Variants in NEDD4 observed in about 807,000 individuals in gnomAD.
The protein encoded by NEDD4 is NEDD4 E3 ubiquitin protein ligase.
In NEDD4, 99 loss-of-function variants were observed where a neutral mutation model predicts 144.9. The ratio of observed to expected loss-of-function variants is 0.68; its 90% CI spans 0.58 to 0.81. The LOEUF (loss-of-function observed/expected upper bound fraction) is 0.81, where lower values mean the gene tolerates loss of function less well. NEDD4 is among the 30% of genes least tolerant of loss of function. NEDD4 has a pLI of 0.00. For synonymous variants in NEDD4, 318 were observed against 350.6 expected, an observed-to-expected ratio of 0.91 and a Z score of 1.04; for missense variants, 985 against 1,065.9, an observed-to-expected ratio of 0.92 and a Z score of 1.06.
At chr15:55,916,720 G>C in intron 5 of NEDD4, 2 of 1,614,032 alleles carry the variant, frequency 1.2e-6, no homozygotes, top group Middle Eastern at 1.6e-4. Flanking sequence ...ATCCGTGTTG[G>C]TCTTTTGAAG....
At chr15:55,856,839 T>G (rs1375403133) in intron 11 of NEDD4, among the ~76,000 whole-genome samples, 2 of 152,226 alleles carry the variant, frequency 1.3e-5, no homozygotes, top group Admixed American at 6.5e-5. Flanking sequence ...ATTATCACTA[T>G]CTGAAATATC....
intron 1 of NEDD4, among the ~76,000 whole-genome samples, chr15:55,979,648 C>T (rs372245807): frequency 3.3e-5 from 5 of 152,026 alleles, no homozygotes; most frequent in East Asian, 1.9e-4. Flanking sequence ...CCACCGCGCC[C>T]GGCGAAAGTT....
chr15:55,974,717 T>G (rs2037669424), intron 1 of NEDD4, among the ~76,000 whole-genome samples: 1 of 147,434 alleles, frequency 6.8e-6, no homozygotes. Context: ...TTTCAACATC[T>G]CTTCATGATA....
At chr15:55,973,963 A>G (rs1337577731) in intron 1 of NEDD4, among the ~76,000 whole-genome samples, 1 of 152,072 alleles carries the variant, frequency 6.6e-6, no homozygotes, top group Non-Finnish European at 1.5e-5. Context: ...GAAACAGAAT[A>G]TAATACAAAG....
intron 4 of NEDD4, among the ~76,000 whole-genome samples, chr15:55,949,931 C>A (rs1390332094): frequency 2.0e-5 from 3 of 151,322 alleles, no homozygotes; most frequent in African/African-American, 4.9e-5. Flanking sequence ...GCACAGGTAC[C>A]CTAGAACTTA....
intron 4 of NEDD4, among the ~76,000 whole-genome samples, chr15:55,926,405 G>A (rs1297637395): frequency 2.6e-5 from 4 of 152,124 alleles, no homozygotes; most frequent in Non-Finnish European, 4.4e-5. Flanking sequence ...TCCTGCAGCC[G>A]TATTGTGACC....
At chr15:55,895,771 C>T (rs1482899100) in intron 5 of NEDD4, among the ~76,000 whole-genome samples, 1 of 152,134 alleles carries the variant, frequency 6.6e-6, no homozygotes, top group Admixed American at 6.5e-5. Context: ...GAGGAGTGAG[C>T]AATGATTGTT....
At chr15:55,842,915 C>A (rs1159405054) in intron 18 of NEDD4, among the ~76,000 whole-genome samples, 1 of 152,164 alleles carries the variant, frequency 6.6e-6, no homozygotes, top group African/African-American at 2.4e-5. Flanking sequence ...TATATTCTGG[C>A]TGTGTCCCTA....
At chr15:55,915,116 A>T (rs897706365) in intron 5 of NEDD4, among the ~76,000 whole-genome samples, 1 of 152,154 alleles carries the variant, frequency 6.6e-6, no homozygotes, top group Non-Finnish European at 1.5e-5. Flanking sequence ...AAAAAACTAT[A>T]CATAGAGTTC....
At chr15:55,863,201 G>T in intron 8 of NEDD4, 122 bp from the exon 9 acceptor site, 2 of 781,780 alleles carry the variant, frequency 2.6e-6, no homozygotes, top group Non-Finnish European at 3.6e-6. Context: ...TGCATAGACA[G>T]AATAAACAAT....
At chr15:55,968,089 T>C (rs2037547156) in intron 1 of NEDD4, among the ~76,000 whole-genome samples, 1 of 152,208 alleles carries the variant, frequency 6.6e-6, no homozygotes, top group Admixed American at 6.6e-5. Flanking sequence ...ATATTTAATA[T>C]TATTATCTTT....
intron 4 of NEDD4, among the ~76,000 whole-genome samples, chr15:55,935,940 G>C (rs1180265420): frequency 6.6e-6 from 1 of 150,470 alleles, no homozygotes; most frequent in Non-Finnish European, 1.5e-5. Flanking sequence ...AAGTATCTGT[G>C]ACCACAGAGA....
intron 5 of NEDD4, among the ~76,000 whole-genome samples, chr15:55,922,144 G>A (rs1165717921): frequency 6.6e-6 from 1 of 152,124 alleles, no homozygotes; most frequent in African/African-American, 2.4e-5. Context: ...TTATCAATTT[G>A]TAAGAGCAAA....
intron 7 of NEDD4, among the ~76,000 whole-genome samples, chr15:55,870,888 A>G (rs2034768952): frequency 6.6e-6 from 1 of 152,136 alleles, no homozygotes; most frequent in Non-Finnish European, 1.5e-5. Flanking sequence ...TTTACTTAAG[A>G]AATCCTTACT....
intron 1 of NEDD4, among the ~76,000 whole-genome samples, chr15:55,970,520 A>G (rs2037589755): frequency 6.6e-6 from 1 of 152,202 alleles, no homozygotes; most frequent in African/African-American, 2.4e-5. Context: ...TGGTGGCCAC[A>G]GGATTGTGTC....
chr15:55,918,478 A>G (rs1317254521), intron 5 of NEDD4, among the ~76,000 whole-genome samples: 1 of 152,178 alleles, frequency 6.6e-6, no homozygotes, highest in Non-Finnish European at 1.5e-5. Context: ...AAGGTAAAAT[A>G]GTTCCGTTGT....
rs566755954 is a variant in NEDD4 at position 55,843,467 on chromosome 15, C to A, written c.1609-1304G>T. Among the ~76,000 whole-genome samples, 4 of 152,310 alleles carry A rather than the reference C, an allele frequency of 2.6e-5. No homozygotes were observed. In the South Asian group the frequency reaches 8.3e-4, roughly 32 times the overall value. On this transcript the variant is annotated intron_variant, in intron 18 of 28. Transcript: ENST00000435532. ...TCTTTGCTTATGTGACAAATGTACA[C>A]AACTATGCTTTAGGCAGAACTTATT...
intron 12 of NEDD4, 147 bp from the exon 13 acceptor site, chr15:55,852,690 AATATATATATATATATAT>A (rs59736982): frequency 1.5e-3 from 281 of 183,916 alleles, no homozygotes; most frequent in East Asian, 8.8e-3. Flanking sequence ...CTTTTCTAGA[AATATATATATATATATAT>A]ATATATATAT....
chr15:55,942,148 A>C (rs945231844), intron 4 of NEDD4, among the ~76,000 whole-genome samples: 1 of 152,002 alleles, frequency 6.6e-6, no homozygotes, highest in Non-Finnish European at 1.5e-5. Context: ...TAGTTCTGTC[A>C]ATTTTGACTT....
Sources: allele counts gnomAD v4.1 joint callset (sites outside exome capture counted in the v4.1 genomes callset), GRCh38; gene constraint gnomAD v4.1.1; transcripts MANE v1.5; gene names NCBI Gene and HGNC (gene_info 2026-07-23, HGNC 2026-07-21).